The following SAXO1 variants were observed in gnomAD, a reference collection of about 807,000 sequenced individuals.
The protein encoded by SAXO1 is stabilizer of axonemal microtubules 1.
A neutral mutation model predicts 17.5 loss-of-function variants in SAXO1; 21 were observed. The observed-to-expected ratio is 1.20, with a 90% CI of 0.85 to 1.72. The LOEUF (loss-of-function observed/expected upper bound fraction) is 1.72. Ranked by LOEUF, SAXO1 falls within the 40% of genes most tolerant of loss-of-function variation. The probability of loss-of-function intolerance (pLI) is 0.00; values close to 1 mark genes in which losing one functional copy is unlikely to be tolerated. For missense variants in SAXO1, 843 were observed against 596.0 expected, an observed-to-expected ratio of 1.41 and a Z score of -4.32; for synonymous variants, 274 against 216.5, an observed-to-expected ratio of 1.27 and a Z score of -2.33.
intron 2 of SAXO1, among the ~76,000 whole-genome samples, chr9:18,945,658 C>G (rs1831760750): frequency 6.6e-6 from 1 of 152,206 alleles, no homozygotes; most frequent in Admixed American, 6.5e-5. Flanking sequence ...CCCATGCACT[C>G]CAGAATCCAA....
chr9:18,941,545 C>A, intron 3 of SAXO1, 92 bp downstream of exon 3: 2 of 1,440,416 alleles, frequency 1.4e-6, no homozygotes, highest in Non-Finnish European at 1.9e-6. Context: ...CCAACTCTTG[C>A]ACTAACTGAG....
chr9:18,946,781 T>G (rs1396159808), intron 2 of SAXO1, among the ~76,000 whole-genome samples: 1 of 152,022 alleles, frequency 6.6e-6, no homozygotes, highest in African/African-American at 2.4e-5. Flanking sequence ...AATTAAAGGA[T>G]AGGAAATTAG....
intron 1 of SAXO1, among the ~76,000 whole-genome samples, chr9:19,008,766 T>A (rs2130981607): frequency 6.6e-6 from 1 of 152,064 alleles, no homozygotes; most frequent in African/African-American, 2.4e-5. Flanking sequence ...ACAGGACAAA[T>A]CAGAAAGGAG....
intron 1 of SAXO1, among the ~76,000 whole-genome samples, chr9:18,991,634 G>A (rs1221456726): frequency 9.9e-5 from 15 of 152,158 alleles, no homozygotes; most frequent in Admixed American, 9.2e-4. Context: ...GTTAATGGGT[G>A]AAGCAAACCA....
rs1339057153 is a variant in SAXO1, at chr9:19,046,470, C to A, written c.-158+2739G>T. ...CAGCACTTTGGGAGGCCGAGGCGGGCAGATCACCTGAGGTCGGCAGTTCGA... is the reference window on the plus strand; with the variant it reads ...CAGCACTTTGGGAGGCCGAGGCGGGAAGATCACCTGAGGTCGGCAGTTCGA... On this transcript the variant is annotated intron_variant, in intron 1 of 3. Transcript: ENST00000542071. Among the ~76,000 whole-genome samples, 4 of 151,988 alleles carry A rather than the reference C, an allele frequency of 2.6e-5. No individual in the cohort carries two copies. The East Asian group carries it at 5.8e-4, about 22-fold the overall frequency.
chr9:18,966,650 A>T (rs978806384), intron 1 of SAXO1, among the ~76,000 whole-genome samples: 5 of 151,476 alleles, frequency 3.3e-5, no homozygotes, highest in African/African-American at 1.2e-4. Flanking sequence ...GTAACCTTTT[A>T]TCAAGGTTCT....
At chr9:19,018,782 G>T (rs191675731) in intron 1 of SAXO1, among the ~76,000 whole-genome samples, 5 of 152,176 alleles carry the variant, frequency 3.3e-5, no homozygotes, top group African/African-American at 1.2e-4. Context: ...TGAAGTCTGG[G>T]TATGTGCTTT....
intron 3 of SAXO1, among the ~76,000 whole-genome samples, chr9:18,930,500 CTT>C (rs55974011): frequency 1.2e-4 from 17 of 146,354 alleles, no homozygotes; most frequent in African/African-American, 3.3e-4. Flanking sequence ...ACTGCTGGAA[CTT>C]TTTTTTTTTT....
intron 3 of SAXO1, among the ~76,000 whole-genome samples, chr9:18,933,732 A>G (rs556622766): frequency 2.0e-5 from 3 of 152,288 alleles, no homozygotes; most frequent in African/African-American, 7.2e-5. Flanking sequence ...ATTGTTTCTG[A>G]AGAGAACTTA....
chr9:19,030,006 A>G (rs907238000), intron 1 of SAXO1, among the ~76,000 whole-genome samples: 6 of 152,366 alleles, frequency 3.9e-5, no homozygotes, highest in Non-Finnish European at 8.8e-5. Context: ...CAGCGTACAT[A>G]TAATTAATCG....
intron 1 of SAXO1, among the ~76,000 whole-genome samples, chr9:18,961,626 T>C (rs1832488794): frequency 6.6e-6 from 1 of 152,204 alleles, no homozygotes; most frequent in South Asian, 2.1e-4. Flanking sequence ...CTGAGAATGA[T>C]GGTTTCCAGC....
chr9:19,008,051 T>C (rs985641852), intron 1 of SAXO1, among the ~76,000 whole-genome samples: 3 of 151,780 alleles, frequency 2.0e-5, no homozygotes, highest in Non-Finnish European at 4.4e-5. Flanking sequence ...CACTGTAGCA[T>C]TGACCTCCCA....
At chr9:18,976,241 G>A (rs753650856) in intron 1 of SAXO1, among the ~76,000 whole-genome samples, 5 of 152,144 alleles carry the variant, frequency 3.3e-5, no homozygotes. Flanking sequence ...CATGGGACTG[G>A]GGTTCATCTC....
At chr9:19,045,375 C>G (rs372786357) in intron 1 of SAXO1, among the ~76,000 whole-genome samples, 1 of 143,940 alleles carries the variant, frequency 6.9e-6, no homozygotes, top group Non-Finnish European at 1.5e-5. Context: ...CAGATCCCCT[C>G]ACAATTTCAC....
At chr9:19,015,716 C>A (rs926853264) in intron 1 of SAXO1, among the ~76,000 whole-genome samples, 3 of 150,322 alleles carry the variant, frequency 2.0e-5, no homozygotes, top group Admixed American at 6.7e-5. Flanking sequence ...TGGCCTCAAA[C>A]GATCCTTCTG....
chr9:19,030,995 A>G (rs1835740973), intron 1 of SAXO1, among the ~76,000 whole-genome samples: 1 of 152,200 alleles, frequency 6.6e-6, no homozygotes. Context: ...AGAAAAGGAG[A>G]AGAGACACAA....
At chr9:19,039,737 C>CT (rs997378309) in intron 1 of SAXO1, among the ~76,000 whole-genome samples, 13 of 151,896 alleles carry the variant, frequency 8.6e-5, no homozygotes, top group African/African-American at 1.2e-4. Context: ...TTGGAATTTG[C>CT]TTTTTTTTGA....
chr9:18,967,827 G>A, intron 1 of SAXO1, among the ~76,000 whole-genome samples: 1 of 152,078 alleles, frequency 6.6e-6, no homozygotes, highest in East Asian at 1.9e-4. Context: ...CTCGGTGTCT[G>A]CCCAAACAAC....
intron 3 of SAXO1, among the ~76,000 whole-genome samples, chr9:18,937,634 C>A (rs1213524652): frequency 1.3e-5 from 2 of 152,144 alleles, no homozygotes; most frequent in Non-Finnish European, 2.9e-5. Context: ...GCAGGCTCCA[C>A]CTTCATGAAT....
Sources: gnomAD v4.1 joint callset for allele counts (sites outside exome capture counted in the v4.1 genomes callset) on GRCh38, gnomAD v4.1.1 for gene constraint, MANE v1.5 for transcripts, NCBI Gene and HGNC (gene_info 2026-07-23, HGNC 2026-07-21) for gene names.